The following USP42 variants were observed in gnomAD, a reference collection of about 807,000 sequenced individuals.
The protein encoded by USP42 is ubiquitin specific peptidase 42.
USP42 carries 23 observed loss-of-function variants against 113.0 expected under a neutral mutation model. The observed-to-expected ratio is 0.20, with a 90% CI of 0.15 to 0.29. USP42 has a LOEUF of 0.29. Ranked by LOEUF, USP42 falls within the 10% of genes least tolerant of loss-of-function variation. The probability of loss-of-function intolerance (pLI) is 1.00; values close to 1 mark genes in which losing one functional copy is unlikely to be tolerated. For missense variants in USP42, 2,174 were observed against 1,779.8 expected (o/e 1.22, Z -3.99); for synonymous variants, 933 against 699.0 (o/e 1.33, Z -5.28).
chr7:6,118,459 C>T (rs1780032880), intron 3 of USP42, among the ~76,000 whole-genome samples: 1 of 151,822 alleles, frequency 6.6e-6, no homozygotes, highest in African/African-American at 2.4e-5. Context: ...GAGGTTGAGG[C>T]TGCAGTGAGC....
Position 6,159,118 on chromosome 7 carries a change from G to A in USP42, c.3944-332G>A, listed in dbSNP as rs763336203. Among the ~76,000 whole-genome samples, 32 of 152,276 alleles carry A rather than the reference G, an allele frequency of 2.1e-4. No homozygotes were observed. The highest frequency in any genetic ancestry group is 3.7e-4 in the Non-Finnish European group (25 of 68,028). On this transcript the variant is annotated intron_variant, in intron 16 of 17. Transcript: ENST00000306177. The surrounding 1 kb of genome is among the most constrained non-coding windows in gnomAD (Gnocchi z 4.1). ...GTCCTGCGGGTCCCCCTCTACCCTG[G>A]ACTTCGGCCCCTTGTCTTTCTCTTT...
At chr7:6,144,046 T>G (rs780675102) in intron 8 of USP42, 39 bp from the exon 9 acceptor site, 1 of 1,318,768 alleles carries the variant, frequency 7.6e-7, no homozygotes, top group South Asian at 1.5e-5. Context: ...TGTGTGTATA[T>G]ATTCGTCTTC....
Position 6,154,010 on chromosome 7 carries a change from G to C in USP42, c.2456G>C (p.Cys819Ser). ...IVGDTAPPDL[C>S]DPGSLTGDAS... Reference sequence around the variant, plus strand: ...GGGGACACAGCACCCCCTGACCTGTGTGATCCCGGGAGCTTAACAGGCGAT... The same window carrying C: ...GGGGACACAGCACCCCCTGACCTGTCTGATCCCGGGAGCTTAACAGGCGAT... Residue 819 changes from cysteine to serine, a missense_variant, in exon 15 of 18, where the codon TGT becomes TCT. Transcript: ENST00000306177. 1 of 1,603,714 alleles carries C rather than the reference G, an allele frequency of 6.2e-7. No individual in the cohort carries two copies. The highest frequency in any genetic ancestry group is 1.1e-5 in the South Asian group (1 of 91,024).
intron 4 of USP42, among the ~76,000 whole-genome samples, chr7:6,138,726 C>T (rs1583644527): frequency 6.6e-6 from 1 of 152,188 alleles, no homozygotes; most frequent in Non-Finnish European, 1.5e-5. Flanking sequence ...GCATTAGATT[C>T]TCATAGCAGC....
intron 3 of USP42, among the ~76,000 whole-genome samples, chr7:6,132,639 A>G (rs1209650386): frequency 6.6e-6 from 1 of 151,686 alleles, no homozygotes; most frequent in Non-Finnish European, 1.5e-5. Context: ...GATTACAGGC[A>G]TGAGCCACCA....
At chr7:6,084,705 G>C in the USP42 span, 1 of 149,592 alleles carries the variant, frequency 6.7e-6, no homozygotes, top group African/African-American at 2.5e-5. Flanking sequence ...CTCCTCACCT[G>C]ATATCGCAAG....
intron 3 of USP42, among the ~76,000 whole-genome samples, chr7:6,134,341 T>C (rs62454271): frequency 6.6e-6 from 1 of 152,224 alleles, no homozygotes; most frequent in Non-Finnish European, 1.5e-5. Flanking sequence ...TTGTTACCGG[T>C]CATTTCTGCA....
intron 3 of USP42, among the ~76,000 whole-genome samples, chr7:6,120,493 T>A (rs1381843570): frequency 6.6e-6 from 1 of 152,176 alleles, no homozygotes; most frequent in East Asian, 1.9e-4. Context: ...TCTGCCCGAC[T>A]CGGCCTCCCA....
intron 1 of USP42, among the ~76,000 whole-genome samples, chr7:6,110,252 C>G (rs1338154888): frequency 6.6e-6 from 1 of 152,174 alleles, no homozygotes; most frequent in Non-Finnish European, 1.5e-5. Context: ...GGAAGCCTGG[C>G]TGGGAACGCT....
chr7:6,143,966 A>T, intron 8 of USP42, 119 bp from the exon 9 acceptor site: 1 of 562,528 alleles, frequency 1.8e-6, no homozygotes, highest in Admixed American at 4.3e-5. Flanking sequence ...GTTCTCATCC[A>T]GTGTCCTTTT....
chr7:6,084,219 G>T, the USP42 span, among the ~76,000 whole-genome samples: 9 of 151,008 alleles, frequency 6.0e-5, no homozygotes, highest in Non-Finnish European at 2.9e-5. Context: ...TAGAGACAGG[G>T]TTTCACCATG....
chr7:6,157,825 C>A lies in USP42; in HGVS notation c.3943+770C>A, dbSNP rs73675857. Among the ~76,000 whole-genome samples, 1,440 of 152,260 alleles carry A rather than the reference C, an allele frequency of 9.5e-3. 24 individuals carry two copies. Among genetic ancestry groups the A allele is most frequent in the African/African-American group, 0.032 (1,345 of 41,538 alleles). On this transcript the variant is annotated intron_variant, in intron 16 of 17. Coordinates refer to ENST00000306177, the MANE Select transcript of USP42 (RefSeq NM_032172.3). The surrounding 1 kb of genome is among the most constrained non-coding windows in gnomAD (Gnocchi z 4.1). The stretch of plus-strand genomic sequence containing the variant: ...TGTGGCAGAGCGCTGGCTGCCCCTG[C>A]CAGGTGTCCTGGATTCTCTTCTGCC...
At chr7:6,120,281 C>T (rs1444785130) in intron 3 of USP42, among the ~76,000 whole-genome samples, 1 of 151,764 alleles carries the variant, frequency 6.6e-6, no homozygotes, top group African/African-American at 2.4e-5. Context: ...TTTGCTCTGT[C>T]ACTCCAGGTA....
the USP42 span, among the ~76,000 whole-genome samples, chr7:6,098,278 G>A: frequency 6.0e-5 from 9 of 150,268 alleles, no homozygotes; most frequent in Admixed American, 6.0e-4. Context: ...CCTTGACAAA[G>A]TGTGAGATCT....
At chr7:6,105,234 C>T (rs1779199893) in intron 1 of USP42, among the ~76,000 whole-genome samples, 1 of 145,332 alleles carries the variant, frequency 6.9e-6, no homozygotes, top group South Asian at 2.1e-4. Flanking sequence ...CGCCACCGCC[C>T]GCCCGGGCCA....
Position 6,135,920 on chromosome 7 carries a change from T to C in USP42, c.522T>C (p.Ile174=), listed in dbSNP as rs1277918274. 6.2e-7 allele frequency: 1 copy of C among 1,608,912 alleles called. No individual in the cohort carries two copies. The highest frequency in any genetic ancestry group is 1.1e-5 in the South Asian group (1 of 90,082). Residue 174 remains isoleucine, a synonymous_variant, in exon 4 of 18, where the codon ATT becomes ATC. Coordinates refer to ENST00000306177, the MANE Select transcript of USP42 (RefSeq NM_032172.3). ...TQALSNPGDV[I]KPMFVINEMR... ...CACTCAGTAATCCTGGGGACGTTAT[T>C]AAACCAATGTTTGTCATCAATGAGA...
At chr7:6,090,338 ATATATATATT>A in the USP42 span, among the ~76,000 whole-genome samples, 1 of 120,264 alleles carries the variant, frequency 8.3e-6, no homozygotes, top group South Asian at 2.5e-4. Context: ...ATATTTCTTT[ATATATATATT>A]TATATATATA....
At chr7:6,089,827 A>G in the USP42 span, among the ~76,000 whole-genome samples, 39 of 149,786 alleles carry the variant, frequency 2.6e-4, 2 homozygotes, top group South Asian at 1.3e-3. Context: ...TACCGCGCCC[A>G]GCCTCTTCAC....
chr7:6,116,328 A>G (rs1045620299), intron 3 of USP42, among the ~76,000 whole-genome samples: 21 of 152,182 alleles, frequency 1.4e-4, no homozygotes, highest in African/African-American at 4.8e-4. Flanking sequence ...CATGGCAGGA[A>G]ATCAGTTAAA....
Sources: allele counts gnomAD v4.1 joint callset (sites outside exome capture counted in the v4.1 genomes callset), GRCh38; gene constraint gnomAD v4.1.1; non-coding constraint Gnocchi (gnomAD v3.1); transcripts MANE v1.5; gene names NCBI Gene and HGNC (gene_info 2026-07-23, HGNC 2026-07-21).